Variants in PRR16 observed in about 807,000 individuals in gnomAD.
PRR16 encodes the protein protein Largen.
Under a neutral mutation model 18.2 loss-of-function variants are expected in PRR16, and 6 were observed. The ratio of observed to expected loss-of-function variants is 0.33; its 90% confidence interval spans 0.18 to 0.65. The LOEUF (loss-of-function observed/expected upper bound fraction) is 0.65. PRR16 is among the 30% of genes least tolerant of loss of function. The pLI is 0.74. For missense variants in PRR16, 412 were observed against 376.6 expected (o/e 1.09, Z -0.78); for synonymous variants, 151 against 147.8 (o/e 1.02, Z -0.16).
intron 1 of PRR16, among the ~76,000 whole-genome samples, chr5:120,599,510 T>C (rs2112787691): frequency 6.6e-6 from 1 of 152,076 alleles, no homozygotes; most frequent in East Asian, 1.9e-4. Context: ...ACCTCTCCTC[T>C]GAGACAGTTT....
Position 120,514,049 on chromosome 5 carries a change from C to T in PRR16, c.159+49404C>T, listed in dbSNP as rs372771584. ...CTGGGATTGCAGATGTGAGCCACCG[C>T]ACCTTGCCACATCTGTTTTATTCAT... On this transcript the variant is annotated intron_variant, in intron 1 of 1. Transcript: ENST00000407149. Among the ~76,000 whole-genome samples the T allele has an allele frequency of 8.5e-5, 13 of 152,244 alleles. No individual in the cohort carries two copies. The East Asian group carries it at 1.2e-3, about 14-fold the overall frequency.
At chr5:120,710,310 T>A in the PRR16 span, among the ~76,000 whole-genome samples, 1 of 152,028 alleles carries the variant, frequency 6.6e-6, no homozygotes, top group African/African-American at 2.4e-5. Flanking sequence ...TTTTAAAAAA[T>A]TTATCATTTT....
chr5:120,759,673 A>G, the PRR16 span, among the ~76,000 whole-genome samples: 1 of 152,174 alleles, frequency 6.6e-6, no homozygotes, highest in African/African-American at 2.4e-5. Flanking sequence ...CTTAGTGTAT[A>G]CAAATTAAAA....
the PRR16 span, among the ~76,000 whole-genome samples, chr5:120,755,846 G>C: frequency 6.6e-6 from 1 of 152,068 alleles, no homozygotes; most frequent in Non-Finnish European, 1.5e-5. Context: ...AGCAACAAAA[G>C]AATAAAGCAA....
chr5:120,654,885 C>T (rs551314577), intron 1 of PRR16, among the ~76,000 whole-genome samples: 1 of 151,808 alleles, frequency 6.6e-6, no homozygotes, highest in East Asian at 1.9e-4. Context: ...CCCAGGACAT[C>T]CATTACCCAA....
At chr5:120,735,770 C>T in the PRR16 span, among the ~76,000 whole-genome samples, 1 of 152,068 alleles carries the variant, frequency 6.6e-6, no homozygotes, top group South Asian at 2.1e-4. Flanking sequence ...AAAATTTCCT[C>T]CTATTCTGTA....
chr5:120,704,867 A>G, the PRR16 span, among the ~76,000 whole-genome samples: 1 of 152,186 alleles, frequency 6.6e-6, no homozygotes, highest in Non-Finnish European at 1.5e-5. Flanking sequence ...TTTTTTCACC[A>G]TATGTGTAAG....
chr5:120,725,776 C>T, the PRR16 span, among the ~76,000 whole-genome samples: 243 of 152,112 alleles, frequency 1.6e-3, 2 homozygotes, highest in African/African-American at 5.7e-3. Context: ...CTTCTGAGAG[C>T]TTAGGGTCCT....
At chr5:120,494,324 G>A (rs7710848) in intron 1 of PRR16, among the ~76,000 whole-genome samples, 40,530 of 151,938 alleles carry the variant, frequency 0.27, 6,597 homozygotes, top group African/African-American at 0.46. Context: ...TACACATAGC[G>A]TCTCTGGGTC....
At chr5:120,507,154 A>G (rs1440685541) in intron 1 of PRR16, among the ~76,000 whole-genome samples, 1 of 152,134 alleles carries the variant, frequency 6.6e-6, no homozygotes, top group Non-Finnish European at 1.5e-5. Flanking sequence ...CCCTAAAGAA[A>G]CTAGAAACAT....
At chr5:120,651,192 C>A (rs190161089) in intron 1 of PRR16, among the ~76,000 whole-genome samples, 114,181 of 151,562 alleles carry the variant, frequency 0.75, 44,773 homozygotes, top group East Asian at 0.94. Context: ...TTTTTCTTGT[C>A]AATTTGTTTG....
chr5:120,606,865 A>G (rs1754170862), intron 1 of PRR16, among the ~76,000 whole-genome samples: 1 of 152,088 alleles, frequency 6.6e-6, no homozygotes, highest in South Asian at 2.1e-4. Flanking sequence ...TATGATCACC[A>G]CTGTACTCCA....
chr5:120,693,967 A>G, the PRR16 span, among the ~76,000 whole-genome samples: 1 of 152,166 alleles, frequency 6.6e-6, no homozygotes, highest in Non-Finnish European at 1.5e-5. Flanking sequence ...CTAAATATTT[A>G]TTTCTCTGGT....
chr5:120,474,754 G>C (rs1184140216), intron 1 of PRR16, among the ~76,000 whole-genome samples: 1 of 151,610 alleles, frequency 6.6e-6, no homozygotes. Context: ...AGTTAAATTG[G>C]TATTTTTTAA....
intron 1 of PRR16, among the ~76,000 whole-genome samples, chr5:120,522,751 G>T (rs576411436): frequency 6.6e-6 from 1 of 151,904 alleles, no homozygotes; most frequent in African/African-American, 2.4e-5. Flanking sequence ...GACTACAGGC[G>T]CCCGCCACCA....
At chr5:120,675,651 G>T (rs1172012653) in intron 1 of PRR16, among the ~76,000 whole-genome samples, 3 of 152,084 alleles carry the variant, frequency 2.0e-5, no homozygotes, top group East Asian at 3.9e-4. Flanking sequence ...ATTTAAAGAT[G>T]ATCTGAGGAG....
chr5:120,576,766 C>G (rs1280921873), intron 1 of PRR16, among the ~76,000 whole-genome samples: 1 of 152,100 alleles, frequency 6.6e-6, no homozygotes, highest in East Asian at 1.9e-4. Context: ...TTTACACCAT[C>G]AAGCTCTCCT....
chr5:120,616,920 T>G (rs760966417), intron 1 of PRR16, among the ~76,000 whole-genome samples: 19 of 152,170 alleles, frequency 1.2e-4, no homozygotes, highest in Non-Finnish European at 2.8e-4. Flanking sequence ...CTAGACATGT[T>G]CTGTGTTCAC....
intron 1 of PRR16, among the ~76,000 whole-genome samples, chr5:120,491,472 T>G (rs1750044164): frequency 1.3e-5 from 1 of 79,594 alleles, no homozygotes; most frequent in African/African-American, 4.7e-5. Flanking sequence ...TCCTTTCCTT[T>G]CCTTTCCTTT....
Sources: allele counts gnomAD v4.1 joint callset (sites outside exome capture counted in the v4.1 genomes callset), GRCh38; gene constraint gnomAD v4.1.1; transcripts MANE v1.5; gene names NCBI Gene and HGNC (gene_info 2026-07-23, HGNC 2026-07-21).